The following DLG2 variants were observed in gnomAD, a reference collection of about 807,000 sequenced individuals.
The protein encoded by DLG2 is disks large homolog 2.
In DLG2, 45 loss-of-function variants were observed where a neutral mutation model predicts 132.5. That is an observed-to-expected ratio of 0.34 (90% CI 0.27 to 0.44). The LOEUF (loss-of-function observed/expected upper bound fraction) is 0.44, where lower values mean the gene tolerates loss of function less well. Among genes scored for constraint, DLG2 ranks in the 20% least tolerant of loss-of-function variants. DLG2 has a pLI of 1.00. For synonymous variants in DLG2, 424 were observed against 419.6 expected, an observed-to-expected ratio of 1.01 and a Z score of -0.13; for missense variants, 1,045 against 1,196.9, an observed-to-expected ratio of 0.87 and a Z score of 1.87.
At chr11:85,111,584 C>G (rs1447254050) in intron 6 of DLG2, 77 bp downstream of exon 6, 14 of 1,206,062 alleles carry the variant, frequency 1.2e-5, no homozygotes, top group Non-Finnish European at 1.6e-5. Context: ...AGCATTCTGG[C>G]TCATTCCACT....
At chr11:84,779,750 T>C (rs2071373087) in intron 6 of DLG2, among the ~76,000 whole-genome samples, 1 of 152,110 alleles carries the variant, frequency 6.6e-6, no homozygotes, top group Non-Finnish European at 1.5e-5. Flanking sequence ...TATGAACAAC[T>C]ACATGCTCAT....
intron 9 of DLG2, among the ~76,000 whole-genome samples, chr11:84,129,418 C>A (rs1263972456): frequency 6.6e-6 from 1 of 152,070 alleles, no homozygotes; most frequent in Non-Finnish European, 1.5e-5. Context: ...TCTATATAAA[C>A]TGTCCAAATG....
At chr11:84,788,369 T>C (rs1269237486) in intron 6 of DLG2, among the ~76,000 whole-genome samples, 2 of 152,062 alleles carry the variant, frequency 1.3e-5, no homozygotes, top group East Asian at 1.9e-4. Flanking sequence ...CAAAAACTAC[T>C]TACTGAATAA....
intron 6 of DLG2, among the ~76,000 whole-genome samples, chr11:84,901,846 T>A (rs1309860697): frequency 6.6e-6 from 1 of 152,078 alleles, no homozygotes; most frequent in Non-Finnish European, 1.5e-5. Flanking sequence ...CTATAGCCAT[T>A]TCTATTGTAC....
At chr11:84,958,737 C>T (rs1313458854) in intron 6 of DLG2, among the ~76,000 whole-genome samples, 3 of 152,098 alleles carry the variant, frequency 2.0e-5, no homozygotes, top group Non-Finnish European at 2.9e-5. Context: ...ATTAAATGGC[C>T]CTGCCTTGCC....
intron 8 of DLG2, among the ~76,000 whole-genome samples, chr11:84,187,829 T>C (rs543819522): frequency 1.2e-4 from 19 of 152,226 alleles, no homozygotes; most frequent in Admixed American, 9.2e-4. Flanking sequence ...CTGGCTAATT[T>C]ATCTGACTGC....
chr11:83,737,739 G>A (rs999336991), intron 18 of DLG2, among the ~76,000 whole-genome samples: 3 of 152,206 alleles, frequency 2.0e-5, no homozygotes, highest in African/African-American at 7.2e-5. Flanking sequence ...GGATAACGAG[G>A]TCAGGAGATC....
chr11:85,503,735 C>T (rs553154966), intron 3 of DLG2, among the ~76,000 whole-genome samples: 10 of 152,018 alleles, frequency 6.6e-5, no homozygotes, highest in East Asian at 5.8e-4. Flanking sequence ...AGTTCAAGAC[C>T]GAGCCAGGTA....
At chr11:84,244,659 T>G (rs569449245) in intron 8 of DLG2, among the ~76,000 whole-genome samples, 1 of 152,328 alleles carries the variant, frequency 6.6e-6, no homozygotes, top group Admixed American at 6.5e-5. Flanking sequence ...TGTTTCCTGG[T>G]AAGTAAGGAT....
chr11:84,406,086 T>G (rs896483932), intron 7 of DLG2, among the ~76,000 whole-genome samples: 1 of 152,124 alleles, frequency 6.6e-6, no homozygotes, highest in Non-Finnish European at 1.5e-5. Context: ...GCAACTCTAG[T>G]GCTACCTGAA....
chr11:84,296,022 A>C (rs1289493376), intron 7 of DLG2, among the ~76,000 whole-genome samples: 2 of 152,202 alleles, frequency 1.3e-5, no homozygotes, highest in African/African-American at 4.8e-5. Flanking sequence ...TTTTCAGATA[A>C]TGACAAAATG....
intron 14 of DLG2, among the ~76,000 whole-genome samples, chr11:83,932,711 T>A (rs988934071): frequency 2.0e-3 from 299 of 152,296 alleles, no homozygotes; most frequent in African/African-American, 6.9e-3. Flanking sequence ...ATAATTTTTT[T>A]TTTTTTTAGC....
chr11:84,573,263 A>T (rs866184826), intron 6 of DLG2, among the ~76,000 whole-genome samples: 6 of 152,312 alleles, frequency 3.9e-5, no homozygotes, highest in Middle Eastern at 3.4e-3. Flanking sequence ...TAAAATGTTA[A>T]CTATTTTTAG....
chr11:84,658,988 G>A (rs955023120), intron 6 of DLG2, among the ~76,000 whole-genome samples: 1 of 152,164 alleles, frequency 6.6e-6, no homozygotes, highest in Non-Finnish European at 1.5e-5. Flanking sequence ...CATCAAATCT[G>A]TTGGCGCCTT....
intron 6 of DLG2, among the ~76,000 whole-genome samples, chr11:84,541,168 T>TTTGAAGTATA (rs1258452389): frequency 6.7e-6 from 1 of 150,162 alleles, no homozygotes; most frequent in Non-Finnish European, 1.5e-5. Flanking sequence ...TGTGCACATG[T>TTTGAAGTATA]ACCCTAGAAC....
chr11:84,477,195 T>C (rs2099124047), intron 7 of DLG2, among the ~76,000 whole-genome samples: 1 of 152,062 alleles, frequency 6.6e-6, no homozygotes. Flanking sequence ...CTTTTCCTTT[T>C]AAATAATGGC....
chr11:85,263,385 A>C (rs2077043257), intron 4 of DLG2, among the ~76,000 whole-genome samples: 1 of 152,164 alleles, frequency 6.6e-6, no homozygotes. Flanking sequence ...AACGCATGTG[A>C]GTTTGCCCAA....
rs555665673 is a variant in DLG2 at position 83,583,404 on chromosome 11, T to G, written c.1941-41546A>C. ...CTGTACTTTTGGTTGAGTCCATTAT[T>G]AGGGGCAGTGTGGCATGGTGGCTAA... is the stretch of plus-strand genomic sequence containing the variant. On this transcript the variant is annotated intron_variant, in intron 19 of 27. Transcript: ENST00000376104. 2.7e-3 allele frequency among the ~76,000 whole-genome samples: 418 copies of G among 152,260 alleles called. 2 individuals are homozygous for G. The highest frequency in any genetic ancestry group is 4.6e-3 in the Non-Finnish European group (312 of 68,020).
chr11:84,020,165 G>C (rs768257055), intron 11 of DLG2, among the ~76,000 whole-genome samples: 2 of 152,054 alleles, frequency 1.3e-5, no homozygotes, highest in African/African-American at 2.4e-5. Context: ...AAAGGAAAAG[G>C]GGATTTGAGA....
Sources: allele counts gnomAD v4.1 joint callset (sites outside exome capture counted in the v4.1 genomes callset), GRCh38; gene constraint gnomAD v4.1.1; transcripts MANE v1.5; gene names NCBI Gene and HGNC (gene_info 2026-07-23, HGNC 2026-07-21).